IL34: variants seen among roughly 807,000 people sequenced by gnomAD.
The protein encoded by IL34 is interleukin-34.
In IL34, 17 loss-of-function variants were observed where a neutral mutation model predicts 25.3. The ratio of observed to expected loss-of-function variants is 0.67; its 90% CI spans 0.46 to 1.01. The LOEUF is 1.01. Among genes scored for constraint, IL34 ranks in the 50% least tolerant of loss-of-function variants. The pLI is 0.00. For synonymous variants in IL34, 174 were observed against 140.9 expected (o/e 1.23, Z -1.66); for missense variants, 368 against 312.9 (o/e 1.18, Z -1.33).
intron 1 of IL34, among the ~76,000 whole-genome samples, chr16:70,623,809 TA>T (rs2051330228): frequency 6.6e-6 from 1 of 150,708 alleles, no homozygotes; most frequent in Non-Finnish European, 1.5e-5. Flanking sequence ...AAGGAGTGCT[TA>T]AAAGAGTATC....
At chr16:70,611,976 C>A (rs1209635933) in intron 1 of IL34, among the ~76,000 whole-genome samples, 1 of 152,156 alleles carries the variant, frequency 6.6e-6, no homozygotes, top group Non-Finnish European at 1.5e-5. Flanking sequence ...ATGCAGTGAG[C>A]CATGATTGCA....
At chr16:70,656,088 G>C (rs2052211691) in intron 2 of IL34, among the ~76,000 whole-genome samples, 1 of 152,166 alleles carries the variant, frequency 6.6e-6, no homozygotes, top group South Asian at 2.1e-4. Context: ...TGAAATTTCT[G>C]CCTTAACAGG....
intron 1 of IL34, among the ~76,000 whole-genome samples, chr16:70,609,869 C>T (rs1478022363): frequency 6.6e-6 from 1 of 152,124 alleles, no homozygotes; most frequent in Non-Finnish European, 1.5e-5. Flanking sequence ...AATTGGAACC[C>T]AGATGCCTCT....
At chr16:70,643,059 T>A (rs940532405), upstream of IL34, among the ~76,000 whole-genome samples, 1 of 151,456 alleles carries the variant, frequency 6.6e-6, no homozygotes, top group Admixed American at 6.6e-5. Flanking sequence ...ATTATTTATT[T>A]TTATTTATTT....
chr16:70,608,132 T>TC (rs918634206), intron 1 of IL34, among the ~76,000 whole-genome samples: 3 of 146,704 alleles, frequency 2.0e-5, no homozygotes, highest in African/African-American at 7.5e-5. Context: ...TTTTCTTTTT[T>TC]TTTTTTTTTT....
chr16:70,591,425 C>T (rs1410943028), intron 1 of IL34, among the ~76,000 whole-genome samples: 5 of 152,000 alleles, frequency 3.3e-5, no homozygotes, highest in Admixed American at 1.3e-4. Flanking sequence ...CCCAGTTAGC[C>T]GGGCGTGGTG....
chr16:70,632,532 C>T (rs1312436000), intron 1 of IL34, among the ~76,000 whole-genome samples: 3 of 152,156 alleles, frequency 2.0e-5, no homozygotes, highest in Non-Finnish European at 2.9e-5. Flanking sequence ...CTTTCGGCTC[C>T]TGACCAGGTG....
In IL34 at chr16:70,606,537, A is replaced by AC. The variant is rs1321098325; in HGVS notation, c.-401+26493dup. Among the ~76,000 whole-genome samples, 76 of 151,724 alleles carry AC rather than the reference A, an allele frequency of 5.0e-4. 1 individual carries two copies. Among genetic ancestry groups the AC allele is most frequent in the African/African-American group, 1.8e-3 (74 of 41,356 alleles). On this transcript the variant is annotated intron_variant, in intron 1 of 6. Transcript: ENST00000429149. ...CACCCTCAACCAACCACCACCCTCC[A>AC]CCCCCAAACAACCACTGATCTGTCT...
At chr16:70,580,972 C>T (rs368016132) in intron 1 of IL34, among the ~76,000 whole-genome samples, 4 of 150,074 alleles carry the variant, frequency 2.7e-5, no homozygotes, top group East Asian at 2.0e-4. Context: ...AGTGCAGTGG[C>T]GTCATCTCAG....
chr16:70,658,902 C>T (rs2052305539), intron 4 of IL34, among the ~76,000 whole-genome samples: 1 of 152,182 alleles, frequency 6.6e-6, no homozygotes, highest in Admixed American at 6.5e-5. Context: ...AACTTAATTA[C>T]CTCTGCAAAG....
At chr16:70,645,410 C>A (rs1468403404), upstream of IL34, among the ~76,000 whole-genome samples, 1 of 152,138 alleles carries the variant, frequency 6.6e-6, no homozygotes, top group Non-Finnish European at 1.5e-5. Context: ...TGGTGTCACT[C>A]TGTAGCCATT....
At chr16:70,643,857 T>C (rs529471295), upstream of IL34, among the ~76,000 whole-genome samples, 3 of 152,378 alleles carry the variant, frequency 2.0e-5, no homozygotes, top group East Asian at 3.8e-4. Context: ...AATATTGTGA[T>C]TATATATTTT....
intron 1 of IL34, among the ~76,000 whole-genome samples, chr16:70,623,993 T>C (rs1226139403): frequency 6.7e-5 from 10 of 149,234 alleles, no homozygotes; most frequent in African/African-American, 2.5e-4. Flanking sequence ...TGAGAGTTAC[T>C]CGAAGCTCGG....
chr16:70,620,605 G>A (rs901876237), intron 1 of IL34, among the ~76,000 whole-genome samples: 2 of 152,284 alleles, frequency 1.3e-5, no homozygotes, highest in Non-Finnish European at 2.9e-5. Context: ...GGGAGGGAAA[G>A]AAGGAAGATT....
chr16:70,641,676 C>G (rs1172275264), upstream of IL34, among the ~76,000 whole-genome samples: 1 of 151,812 alleles, frequency 6.6e-6, no homozygotes, highest in Non-Finnish European at 1.5e-5. Context: ...AAGTGATCTT[C>G]CCACCTTAGC....
At chr16:70,636,080 C>T (rs528587197) in intron 1 of IL34, among the ~76,000 whole-genome samples, 3 of 151,562 alleles carry the variant, frequency 2.0e-5, no homozygotes, top group South Asian at 2.1e-4. Flanking sequence ...GCTCTGTTGC[C>T]CAGGTTGGAG....
upstream of IL34, chr16:70,646,553 G>C (rs1232728248): frequency 8.3e-6 from 2 of 240,642 alleles, no homozygotes. Context: ...CCTAGAGCCA[G>C]ATTTCACACT....
chr16:70,605,969 GTTTTTTTTTT>G (rs77101515), intron 1 of IL34, among the ~76,000 whole-genome samples: 2 of 123,224 alleles, frequency 1.6e-5, no homozygotes, highest in Non-Finnish European at 3.3e-5. Context: ...ACCGCACCTG[GTTTTTTTTTT>G]TTTTTTTTTT....
chr16:70,651,949 C>A (rs2052090354), intron 1 of IL34, among the ~76,000 whole-genome samples: 2 of 150,866 alleles, frequency 1.3e-5, no homozygotes, highest in Admixed American at 6.6e-5. Flanking sequence ...CCTGGTGAAA[C>A]CCCGTCTGTA....
Sources: gnomAD v4.1 joint callset for allele counts (sites outside exome capture counted in the v4.1 genomes callset) on GRCh38, gnomAD v4.1.1 for gene constraint, MANE v1.5 for transcripts, NCBI Gene and HGNC (gene_info 2026-07-23, HGNC 2026-07-21) for gene names.